The following ABTB3 variants were observed in gnomAD, a reference collection of about 807,000 sequenced individuals.
ABTB3 encodes ankyrin repeat- and BTB/POZ domain-containing protein 3.
the ABTB3 span, among the ~76,000 whole-genome samples, chr12:107,508,922 T>C: frequency 2.0e-5 from 3 of 152,330 alleles, no homozygotes; most frequent in South Asian, 2.1e-4. Context: ...TGGGGGCTAA[T>C]TGATCTCCAA....
At chr12:107,615,074 C>T in the ABTB3 span, 1 of 1,613,612 alleles carries the variant, frequency 6.2e-7, no homozygotes, top group Non-Finnish European at 8.5e-7. Flanking sequence ...GTCAGTACTC[C>T]TCATAAATAT....
chr12:107,412,249 C>T, the ABTB3 span, among the ~76,000 whole-genome samples: 1 of 152,196 alleles, frequency 6.6e-6, no homozygotes, highest in African/African-American at 2.4e-5. Context: ...AAACATAATA[C>T]AATGCTTCCC....
chr12:107,549,300 T>A, the ABTB3 span, among the ~76,000 whole-genome samples: 2 of 152,252 alleles, frequency 1.3e-5, no homozygotes, highest in Non-Finnish European at 2.9e-5. Flanking sequence ...TGTTCCATGA[T>A]ACTCACTCTA....
At chr12:107,542,591 G>C in the ABTB3 span, among the ~76,000 whole-genome samples, 1 of 152,182 alleles carries the variant, frequency 6.6e-6, no homozygotes, top group East Asian at 1.9e-4. Context: ...TTTGATCCTT[G>C]AACAATCTGG....
the ABTB3 span, among the ~76,000 whole-genome samples, chr12:107,546,814 A>G: frequency 3.5e-4 from 53 of 152,298 alleles, no homozygotes; most frequent in Non-Finnish European, 6.6e-4. Context: ...GCAGTGAGCC[A>G]AGATCAGGCT....
the ABTB3 span, among the ~76,000 whole-genome samples, chr12:107,601,498 G>A: frequency 1.3e-5 from 2 of 152,220 alleles, no homozygotes; most frequent in Admixed American, 6.5e-5. Flanking sequence ...GGCCTTTTGT[G>A]GTACAGGATC....
the ABTB3 span, among the ~76,000 whole-genome samples, chr12:107,522,747 G>GAAGT: frequency 7.2e-6 from 1 of 138,402 alleles, no homozygotes; most frequent in East Asian, 2.5e-4. Flanking sequence ...AGGAGGGAAG[G>GAAGT]AAGGAAGGAA....
At chr12:107,371,818 T>C in the ABTB3 span, among the ~76,000 whole-genome samples, 2 of 152,202 alleles carry the variant, frequency 1.3e-5, no homozygotes, top group Non-Finnish European at 2.9e-5. Context: ...ACTTGGGTTC[T>C]GTGATCATGG....
chr12:107,375,152 C>T, the ABTB3 span, among the ~76,000 whole-genome samples: 2 of 152,122 alleles, frequency 1.3e-5, no homozygotes, highest in African/African-American at 4.8e-5. Context: ...TGCCGTGGCT[C>T]ACGTCTGTGA....
chr12:107,505,910 AC>A, the ABTB3 span, among the ~76,000 whole-genome samples: 1 of 152,314 alleles, frequency 6.6e-6, no homozygotes, highest in Non-Finnish European at 1.5e-5. Context: ...TATATGTACT[AC>A]ATTTTCTTTA....
the ABTB3 span, among the ~76,000 whole-genome samples, chr12:107,500,939 G>GC: frequency 6.6e-6 from 1 of 152,120 alleles, no homozygotes; most frequent in African/African-American, 2.4e-5. Flanking sequence ...TCCTGACTTG[G>GC]CCCCCGCCTT....
chr12:107,322,126 G>T, the ABTB3 span, among the ~76,000 whole-genome samples: 1 of 152,186 alleles, frequency 6.6e-6, no homozygotes. Context: ...TTACTTTTAT[G>T]AACCTTAACA....
the ABTB3 span, among the ~76,000 whole-genome samples, chr12:107,616,818 A>G: frequency 6.6e-6 from 1 of 152,206 alleles, no homozygotes; most frequent in African/African-American, 2.4e-5. Context: ...CATTCAGTAG[A>G]CCTGGGTGGG....
the ABTB3 span, among the ~76,000 whole-genome samples, chr12:107,553,463 G>A: frequency 6.6e-6 from 1 of 152,284 alleles, no homozygotes; most frequent in African/African-American, 2.4e-5. Context: ...TGAGTGCTGG[G>A]TGACTATAGG....
the ABTB3 span, among the ~76,000 whole-genome samples, chr12:107,615,597 A>G: frequency 6.6e-6 from 1 of 152,226 alleles, no homozygotes; most frequent in Admixed American, 6.5e-5. Flanking sequence ...CAAGACATCA[A>G]GGGAGTGTTT....
the ABTB3 span, among the ~76,000 whole-genome samples, chr12:107,481,370 C>T: frequency 3.5e-4 from 53 of 152,246 alleles, no homozygotes; most frequent in South Asian, 6.2e-4. Context: ...GGCCTGACCC[C>T]GGAGGCCCTG....
At chr12:107,508,089 TG>T in the ABTB3 span, among the ~76,000 whole-genome samples, 4,037 of 151,892 alleles carry the variant, frequency 0.027, 184 homozygotes, top group African/African-American at 0.091. Flanking sequence ...GATGGATGGA[TG>T]GATGGATGGA....
the ABTB3 span, among the ~76,000 whole-genome samples, chr12:107,547,580 A>G: frequency 6.6e-6 from 1 of 152,200 alleles, no homozygotes; most frequent in Non-Finnish European, 1.5e-5. Flanking sequence ...AGAGCCATTT[A>G]TCTCATTCTT....
chr12:107,368,829 A>G, the ABTB3 span, among the ~76,000 whole-genome samples: 2 of 152,282 alleles, frequency 1.3e-5, no homozygotes, highest in African/African-American at 4.8e-5. Context: ...ATTTTCATTT[A>G]TCTTATTACT....
Sources: gnomAD v4.1 joint callset for allele counts (sites outside exome capture counted in the v4.1 genomes callset) on GRCh38, gnomAD v4.1.1 for gene constraint, MANE v1.5 for transcripts, NCBI Gene and HGNC (gene_info 2026-07-23, HGNC 2026-07-21) for gene names.